The following B3GALNT2 variants were observed in gnomAD, a reference collection of about 807,000 sequenced individuals.
B3GALNT2 encodes the protein beta-1,3-N-acetylgalactosaminyltransferase 2, also known as UDP-GalNAc:beta-1,3-N-acetylgalactosaminyltransferase 2.
Under a neutral mutation model 61.1 loss-of-function variants are expected in B3GALNT2, and 53 were observed. The ratio of observed to expected loss-of-function variants is 0.87; its 90% CI spans 0.70 to 1.09. The LOEUF is 1.09. B3GALNT2 is among the 50% of genes least tolerant of loss of function. The probability of loss-of-function intolerance (pLI) is 0.00; values close to 1 mark genes in which losing one functional copy is unlikely to be tolerated. For missense variants in B3GALNT2, 544 were observed against 623.0 expected, an observed-to-expected ratio of 0.87 and a Z score of 1.35; for synonymous variants, 223 against 237.4, an observed-to-expected ratio of 0.94 and a Z score of 0.56.
At chr1:235,499,922 T>C (rs918433650) in intron 1 of B3GALNT2, among the ~76,000 whole-genome samples, 3 of 152,048 alleles carry the variant, frequency 2.0e-5, no homozygotes, top group Non-Finnish European at 4.4e-5. Flanking sequence ...AAGGAGGTGG[T>C]GGGGGCTAGT....
chr1:235,442,222 G>A (rs1681937337), downstream of B3GALNT2, among the ~76,000 whole-genome samples: 1 of 152,098 alleles, frequency 6.6e-6, no homozygotes, highest in Non-Finnish European at 1.5e-5. Context: ...CCAGACTGGA[G>A]TGCAGTGGCA....
Position 235,450,097 on chromosome 1 carries a change from TC to T in B3GALNT2, c.*108del. 7.4e-7 allele frequency: 1 copy of T among 1,352,006 alleles called. No individual in the cohort carries two copies. The highest frequency in any genetic ancestry group is 1.0e-6 in the Non-Finnish European group (1 of 973,976). The allele number at this position is 1,352,006 out of a possible 1,614,324, so 83.8% of individuals were successfully genotyped here. ...CTGGGTGAAAGTGCCAGTCTGGAAC[TC>T]TCTTGAAAGACCATACAGTCTACTG... On this transcript the variant is annotated 3_prime_UTR_variant, in exon 12 of 12. Coordinates refer to ENST00000366600, the MANE Select transcript of B3GALNT2 (RefSeq NM_152490.5).
In B3GALNT2 at chr1:235,493,287, T is replaced by G. The variant is rs183882085; in HGVS notation, c.260+1394A>C. Among the ~76,000 whole-genome samples the G allele has an allele frequency of 2.6e-5, 4 of 152,060 alleles. No individual in the cohort carries two copies. The East Asian group carries it at 5.8e-4, about 22-fold the overall frequency. ...CAAGGGTTTTGGTCTGAGCAACTGG[T>G]GGAGGAGTCATTATTTTCTAACAGG... On this transcript the variant is annotated intron_variant, in intron 2 of 11. Transcript: ENST00000366600.
chr1:235,479,388 C>T (rs1043578712), intron 5 of B3GALNT2: 2 of 152,268 alleles, frequency 1.3e-5, no homozygotes, highest in Non-Finnish European at 2.9e-5. Flanking sequence ...TAGACTAAAA[C>T]AGCCTAGAAA....
At position 235,465,726 on chromosome 1, in the gene B3GALNT2, A is replaced by T; in HGVS notation, c.763-12T>A. 3 of 1,611,300 alleles carry T rather than the reference A, an allele frequency of 1.9e-6. No homozygotes were observed. The highest frequency in any genetic ancestry group is 2.5e-6 in the Non-Finnish European group (3 of 1,179,240). On this transcript the variant is annotated splice_polypyrimidine_tract_variant and intron_variant, in intron 6 of 11. Transcript: ENST00000366600. ...GCACCCTCCCCAGCCTGAAAGGAAT[A>T]AGAATGTACTCAGTGATTCATTACT... is the stretch of plus-strand genomic sequence containing the variant.
chr1:235,471,085 C>A, intron 5 of B3GALNT2, 125 bp from the exon 6 acceptor site: 1 of 1,473,494 alleles, frequency 6.8e-7, no homozygotes, highest in Non-Finnish European at 9.0e-7. Context: ...ATTTTCACCC[C>A]ATAACTCTGA....
At chr1:235,488,692 C>CAAAAAAAAAAA (rs11436508) in intron 3 of B3GALNT2, among the ~76,000 whole-genome samples, 2 of 37,970 alleles carry the variant, frequency 5.3e-5, no homozygotes, top group Admixed American at 5.2e-4. Context: ...ACTCCATCTC[C>CAAAAAAAAAAA]AAAAAAAAAA....
intron 1 of B3GALNT2, among the ~76,000 whole-genome samples, chr1:235,495,537 TA>T (rs202001422): frequency 0.011 from 1,655 of 146,900 alleles, 21 homozygotes; most frequent in African/African-American, 0.028. Context: ...ACACTTTTAG[TA>T]AAAAAAAAAA....
rs1024082016 is a variant in B3GALNT2, at chr1:235,448,306, T to C, written c.*1900A>G. The C allele has an allele frequency of 3.2e-6, 5 of 1,540,746 alleles. 1 individual carries two copies. On this transcript the variant is annotated 3_prime_UTR_variant, in exon 12 of 12. Coordinates refer to ENST00000366600, the MANE Select transcript of B3GALNT2 (RefSeq NM_152490.5). ...CACATGAGCTAGTTTTACAGGTAAC[T>C]GTCATTTGAGAGAACGAATGGACTT...
At chr1:235,474,987 A>ATATTTTT (rs1180244284) in intron 5 of B3GALNT2, among the ~76,000 whole-genome samples, 4 of 35,574 alleles carry the variant, frequency 1.1e-4, no homozygotes, top group Non-Finnish European at 1.9e-4. Context: ...ATATATATAT[A>ATATTTTT]TTTTTTTTTT....
intron 9 of B3GALNT2, 120 bp downstream of exon 9, chr1:235,455,439 G>T: frequency 9.4e-7 from 1 of 1,059,530 alleles, no homozygotes; most frequent in East Asian, 2.6e-5. Flanking sequence ...ATAAACCCAG[G>T]AGTCTAGTAC....
At chr1:235,482,863 C>T (rs1024253675) in intron 4 of B3GALNT2, among the ~76,000 whole-genome samples, 7 of 151,916 alleles carry the variant, frequency 4.6e-5, no homozygotes, top group Non-Finnish European at 1.0e-4. Flanking sequence ...ACCAAAAAAC[C>T]CCCCAAAATA....
intron 1 of B3GALNT2, among the ~76,000 whole-genome samples, chr1:235,499,455 C>T (rs1355874198): frequency 6.6e-6 from 1 of 152,162 alleles, no homozygotes; most frequent in Non-Finnish European, 1.5e-5. Context: ...GACAGAGCAT[C>T]TCCTATGCTC....
intron 7 of B3GALNT2, chr1:235,464,729 T>G (rs1455804154): frequency 6.6e-6 from 1 of 151,976 alleles, no homozygotes; most frequent in South Asian, 2.1e-4. Context: ...CACTCCAGCC[T>G]GGGCAACAGA....
At chr1:235,454,069 G>T in intron 10 of B3GALNT2, 87 bp downstream of exon 10, 1 of 1,266,452 alleles carries the variant, frequency 7.9e-7, no homozygotes, top group Non-Finnish European at 1.1e-6. Flanking sequence ...GAATTCCTGG[G>T]CTCAAGTGAT....
intron 5 of B3GALNT2, among the ~76,000 whole-genome samples, chr1:235,478,018 G>T (rs1034686348): frequency 1.9e-4 from 29 of 151,940 alleles, no homozygotes; most frequent in Admixed American, 1.2e-3. Context: ...CCAAAGAATG[G>T]CTTCCTGCAA....
intron 7 of B3GALNT2, 21 bp from the exon 8 acceptor site, chr1:235,458,807 G>T (rs200608463): frequency 6.4e-7 from 1 of 1,553,692 alleles, no homozygotes; most frequent in Non-Finnish European, 8.7e-7. Flanking sequence ...AAAGTTGAGA[G>T]TTGGAGAAAA....
At chr1:235,440,258 C>T in the B3GALNT2 span, among the ~76,000 whole-genome samples, 79 of 152,322 alleles carry the variant, frequency 5.2e-4, no homozygotes, top group African/African-American at 1.8e-3. Flanking sequence ...GCGTGAGCCA[C>T]CGCGCCCAGC....
At chr1:235,496,500 T>A (rs373388280) in intron 1 of B3GALNT2, among the ~76,000 whole-genome samples, 1 of 151,892 alleles carries the variant, frequency 6.6e-6, no homozygotes. Flanking sequence ...GCACTACATA[T>A]AGAGTATCAT....
Sources: gnomAD v4.1 joint callset for allele counts (sites outside exome capture counted in the v4.1 genomes callset) on GRCh38, gnomAD v4.1.1 for gene constraint, MANE v1.5 for transcripts, NCBI Gene and HGNC (gene_info 2026-07-23, HGNC 2026-07-21) for gene names.